UMAD1: variants seen among roughly 807,000 people sequenced by gnomAD.
UMAD1 encodes the protein UBAP1-MVB12-associated (UMA)-domain containing protein 1.
Under a neutral mutation model 6.1 loss-of-function variants are expected in UMAD1, and 8 were observed. The ratio of observed to expected loss-of-function variants is 1.30; its 90% CI spans 0.76 to 2.35. The LOEUF (loss-of-function observed/expected upper bound fraction) is 2.35, where lower values mean the gene tolerates loss of function less well. Ranked by LOEUF, UMAD1 falls within the 30% of genes most tolerant of loss-of-function variation. UMAD1 has a pLI of 0.00. For missense variants in UMAD1, 130 were observed against 78.4 expected (o/e 1.66, Z -2.49); for synonymous variants, 56 against 31.4 (o/e 1.78, Z -2.61).
intron 2 of UMAD1, among the ~76,000 whole-genome samples, chr7:7,776,551 G>C (rs1360564373): frequency 6.6e-6 from 1 of 152,072 alleles, no homozygotes; most frequent in East Asian, 1.9e-4. Context: ...TAAAGAATCT[G>C]TATCACAAAA....
At chr7:7,812,480 T>G (rs1351553574) in intron 3 of UMAD1, among the ~76,000 whole-genome samples, 1 of 152,232 alleles carries the variant, frequency 6.6e-6, no homozygotes, top group Non-Finnish European at 1.5e-5. Context: ...TGTTGATTGA[T>G]CACAATTGAT....
intron 2 of UMAD1, among the ~76,000 whole-genome samples, chr7:7,773,109 A>G (rs1376907610): frequency 6.6e-6 from 1 of 152,206 alleles, no homozygotes; most frequent in Non-Finnish European, 1.5e-5. Flanking sequence ...TTTAAAGATG[A>G]TTTAGTTTGT....
chr7:7,651,855 C>G (rs575177461), intron 1 of UMAD1, among the ~76,000 whole-genome samples: 1 of 152,096 alleles, frequency 6.6e-6, no homozygotes, highest in African/African-American at 2.4e-5. Context: ...GAAATTCAAC[C>G]TTCTTTCTTT....
In UMAD1 at chr7:7,830,645, G is replaced by C. The variant is rs1185477033; in HGVS notation, c.156+28902G>C. 6.6e-6 allele frequency among the ~76,000 whole-genome samples: 1 copy of C among 151,934 alleles called. No homozygotes were observed. Among genetic ancestry groups the C allele is most frequent in the Non-Finnish European group, 1.5e-5 (1 of 67,978 alleles). On this transcript the variant is annotated intron_variant, in intron 3 of 3. Coordinates refer to ENST00000682710, the MANE Select transcript of UMAD1 (RefSeq NM_001302348.2). This position sits in a 1 kb window ranked among gnomAD's most constrained non-coding sequence, Gnocchi z 5.3. ...CAGCATGTTTTGGTTCATTTTCCTT[G>C]TCCCAGACTTTCTATTTCAATGGTT...
At chr7:7,856,359 C>T (rs1784017931) in intron 3 of UMAD1, among the ~76,000 whole-genome samples, 1 of 152,176 alleles carries the variant, frequency 6.6e-6, no homozygotes. Context: ...GAAGGCACCT[C>T]CTCACAAGGC....
chr7:7,784,432 T>G (rs1274885457), intron 2 of UMAD1, among the ~76,000 whole-genome samples: 2 of 149,346 alleles, frequency 1.3e-5, no homozygotes, highest in East Asian at 4.0e-4. Context: ...GCCTCCCGGG[T>G]TCACGCCCTT....
At chr7:7,690,333 C>T (rs1689384005) in intron 2 of UMAD1, among the ~76,000 whole-genome samples, 3 of 151,850 alleles carry the variant, frequency 2.0e-5, no homozygotes, top group African/African-American at 7.3e-5. Context: ...GTATATGTTT[C>T]CTTTTACCAT....
chr7:7,869,580 A>C (rs1784299296), intron 3 of UMAD1, among the ~76,000 whole-genome samples: 1 of 152,220 alleles, frequency 6.6e-6, no homozygotes, highest in African/African-American at 2.4e-5. Flanking sequence ...CTTTTATAGC[A>C]TACTACTTTA....
At chr7:7,838,855 A>G (rs1783621595) in intron 3 of UMAD1, among the ~76,000 whole-genome samples, 1 of 152,252 alleles carries the variant, frequency 6.6e-6, no homozygotes, top group Admixed American at 6.5e-5. Flanking sequence ...AAATACAATT[A>G]TGAAATTCAA....
intron 2 of UMAD1, among the ~76,000 whole-genome samples, chr7:7,773,366 A>G (rs568929321): frequency 3.3e-5 from 5 of 152,342 alleles, no homozygotes; most frequent in African/African-American, 1.2e-4. Context: ...AAAATGAGTT[A>G]GTCAAATAAT....
At chr7:7,769,995 C>T (rs573267502) in intron 2 of UMAD1, among the ~76,000 whole-genome samples, 7 of 152,174 alleles carry the variant, frequency 4.6e-5, no homozygotes, top group African/African-American at 1.2e-4. Flanking sequence ...GCTCAGTGCT[C>T]AGGATGACTT....
intron 3 of UMAD1, among the ~76,000 whole-genome samples, chr7:7,866,327 G>A (rs184917048): frequency 6.6e-6 from 1 of 152,210 alleles, no homozygotes; most frequent in East Asian, 1.9e-4. Context: ...GGTTTGTGGG[G>A]GTGACAGGGA....
intron 3 of UMAD1, among the ~76,000 whole-genome samples, chr7:7,816,134 A>G (rs1459404922): frequency 6.6e-6 from 1 of 152,202 alleles, no homozygotes; most frequent in African/African-American, 2.4e-5. Flanking sequence ...AATATTATCT[A>G]TATATCTTAT....
intron 2 of UMAD1, among the ~76,000 whole-genome samples, chr7:7,763,411 C>T (rs760714879): frequency 6.6e-5 from 10 of 152,088 alleles, no homozygotes; most frequent in Non-Finnish European, 1.5e-4. Flanking sequence ...CCCACATTCT[C>T]CTCCCTCCTC....
chr7:7,773,482 A>C (rs1249228203), intron 2 of UMAD1, among the ~76,000 whole-genome samples: 1 of 152,232 alleles, frequency 6.6e-6, no homozygotes, highest in African/African-American at 2.4e-5. Context: ...CTTTGAAATA[A>C]GAATAGAAAT....
chr7:7,871,013 C>T (rs1784322084), intron 3 of UMAD1, among the ~76,000 whole-genome samples: 1 of 152,174 alleles, frequency 6.6e-6, no homozygotes, highest in African/African-American at 2.4e-5. Context: ...TTCCCACTTA[C>T]CTTCATGTCT....
chr7:7,685,857 A>G (rs184331155), intron 2 of UMAD1: 2 of 152,350 alleles, frequency 1.3e-5, no homozygotes, highest in Admixed American at 1.3e-4. Context: ...TCATAAAATA[A>G]GTAAGAAGAA....
chr7:7,655,315 G>A (rs776180288), intron 1 of UMAD1, among the ~76,000 whole-genome samples: 2 of 152,156 alleles, frequency 1.3e-5, no homozygotes, highest in Non-Finnish European at 2.9e-5. Flanking sequence ...TGAAATCCAC[G>A]TGTCTCATTT....
At chr7:7,717,048 C>T (rs1456013594) in intron 2 of UMAD1, among the ~76,000 whole-genome samples, 1 of 149,452 alleles carries the variant, frequency 6.7e-6, no homozygotes, top group African/African-American at 2.5e-5. Flanking sequence ...CTTTTTCTTT[C>T]TTTCTTTTTT....
Sources: allele counts gnomAD v4.1 joint callset (sites outside exome capture counted in the v4.1 genomes callset), GRCh38; gene constraint gnomAD v4.1.1; non-coding constraint Gnocchi (gnomAD v3.1); transcripts MANE v1.5; gene names NCBI Gene and HGNC (gene_info 2026-07-23, HGNC 2026-07-21).